ACOT13: variants seen among roughly 807,000 people sequenced by gnomAD.
ACOT13 encodes acyl-coenzyme A thioesterase 13.
ACOT13 carries 10 observed loss-of-function variants against 11.8 expected under a neutral mutation model. The ratio of observed to expected loss-of-function variants is 0.85; its 90% CI spans 0.53 to 1.44. The LOEUF (loss-of-function observed/expected upper bound fraction) is 1.44, where lower values mean the gene tolerates loss of function less well. Ranked by LOEUF, ACOT13 falls within the 40% of genes most tolerant of loss-of-function variation. ACOT13 has a pLI of 0.00. For missense variants in ACOT13, 172 were observed against 174.1 expected, an observed-to-expected ratio of 0.99 and a Z score of 0.07; for synonymous variants, 53 against 61.0, an observed-to-expected ratio of 0.87 and a Z score of 0.61.
chr6:24,681,337 G>A (rs886995265), intron 1 of ACOT13, among the ~76,000 whole-genome samples: 5 of 152,210 alleles, frequency 3.3e-5, no homozygotes, highest in African/African-American at 1.2e-4. Flanking sequence ...ATTTTTTATA[G>A]GAAAGCTACA....
At chr6:24,695,714 CGGT>C (rs1778785482) in intron 1 of ACOT13, among the ~76,000 whole-genome samples, 3 of 152,100 alleles carry the variant, frequency 2.0e-5, no homozygotes, top group Admixed American at 2.0e-4. Context: ...TATTCCTGCT[CGGT>C]GTGTATTATT....
In ACOT13 at chr6:24,697,864, TTC is replaced by T. The variant is rs576617412; in HGVS notation, c.82-17_82-16del. 1 of 1,574,792 alleles carries T rather than the reference TTC, an allele frequency of 6.4e-7. No homozygotes were observed. The highest frequency in any genetic ancestry group is 8.6e-7 in the Non-Finnish European group (1 of 1,161,642). On this transcript the variant is annotated splice_polypyrimidine_tract_variant and intron_variant, in intron 1 of 2. Transcript: ENST00000230048. ...AATTCTACAGAATTAATGTTCAGGA[TTC>T]TTTTTTTTACACTTAGATTACTCTT...
In ACOT13 at chr6:24,703,978, A is replaced by G. The variant is rs1208470064; in HGVS notation, c.*2363A>G. The G allele has an allele frequency of 6.6e-6, 1 of 152,246 alleles. No homozygotes were observed. Among genetic ancestry groups the G allele is most frequent in the Non-Finnish European group, 1.5e-5 (1 of 68,042 alleles). The allele number at this position is 152,246 out of a possible 1,614,324, so 9.4% of individuals were successfully genotyped here. ...CATAAAGGCTAAGGAACTGTTCCAC[A>G]TTAAAGACAACTGAGAACAACTAAA... is the stretch of plus-strand genomic sequence containing the variant. On this transcript the variant is annotated 3_prime_UTR_variant, in exon 3 of 3. Transcript: ENST00000230048.
intron 1 of ACOT13, among the ~76,000 whole-genome samples, chr6:24,689,225 A>G (rs887724752): frequency 6.6e-6 from 1 of 152,200 alleles, no homozygotes; most frequent in African/African-American, 2.4e-5. Context: ...TCAGTCTGTC[A>G]TATACAAATA....
chr6:24,704,535 G>A lies in ACOT13; in HGVS notation c.*2920G>A, dbSNP rs1011600885. The A allele has an allele frequency of 1.3e-5, 2 of 152,208 alleles. No individual in the cohort carries two copies. 9.4% of individuals were successfully genotyped at this position (152,208 alleles called of 1,614,324 possible). A position where few individuals can be genotyped will look rare whatever the true frequency, so the allele number is the denominator to read the frequency against. Reference sequence around the variant, plus strand: ...ATCTATTTCCACCAAAGGTTGAGAGGTTAAGACAAGAGCTTAGAAGAGTAC... The same window carrying A: ...ATCTATTTCCACCAAAGGTTGAGAGATTAAGACAAGAGCTTAGAAGAGTAC... On this transcript the variant is annotated 3_prime_UTR_variant, in exon 3 of 3. Coordinates refer to ENST00000230048, the MANE Select transcript of ACOT13 (RefSeq NM_018473.4).
Position 24,678,476 on chromosome 6 carries a change from AGTCCTT to A in ACOT13, c.81+11135_81+11140del, listed in dbSNP as rs1004112693. Among the ~76,000 whole-genome samples, 90 of 152,288 alleles carry A rather than the reference AGTCCTT, an allele frequency of 5.9e-4. 1 individual carries two copies. The highest frequency in any genetic ancestry group is 2.0e-3 in the African/African-American group (82 of 41,550). ...TTTTAAGTCCTTAACAATCTTTTGG[AGTCCTT>A]GTTGGGCCTCAGGTCTAAGGGTACT... is the stretch of plus-strand genomic sequence containing the variant. On this transcript the variant is annotated intron_variant, in intron 1 of 2. Coordinates refer to ENST00000230048, the MANE Select transcript of ACOT13 (RefSeq NM_018473.4).
At chr6:24,689,678 G>A (rs1473225604) in intron 1 of ACOT13, among the ~76,000 whole-genome samples, 1 of 152,104 alleles carries the variant, frequency 6.6e-6, no homozygotes, top group Non-Finnish European at 1.5e-5. Flanking sequence ...AGAGTAGTAG[G>A]TAGGAAATTG....
chr6:24,672,357 C>G (rs574659975), intron 1 of ACOT13, among the ~76,000 whole-genome samples: 1 of 152,216 alleles, frequency 6.6e-6, no homozygotes, highest in South Asian at 2.1e-4. Context: ...GATATAATTT[C>G]TAACTGGGCG....
intron 1 of ACOT13, among the ~76,000 whole-genome samples, chr6:24,674,491 G>A (rs9393578): frequency 0.39 from 59,771 of 151,926 alleles, 12,785 homozygotes; most frequent in Non-Finnish European, 0.5. Flanking sequence ...TGAGTGCAGC[G>A]TCTGCTTCCT....
At chr6:24,700,490 C>T (rs1402206143) in intron 2 of ACOT13, among the ~76,000 whole-genome samples, 3 of 136,286 alleles carry the variant, frequency 2.2e-5, no homozygotes, top group Non-Finnish European at 1.5e-5. Context: ...GGCTGGAGTC[C>T]AGTGGCGCGA....
chr6:24,692,197 G>A (rs1778727703), intron 1 of ACOT13, among the ~76,000 whole-genome samples: 1 of 152,120 alleles, frequency 6.6e-6, no homozygotes, highest in Non-Finnish European at 1.5e-5. Context: ...ACCAGGAGGA[G>A]GTGGTGTCAT....
chr6:24,682,891 C>A (rs9467254), intron 1 of ACOT13, among the ~76,000 whole-genome samples: 74 of 152,188 alleles, frequency 4.9e-4, no homozygotes, highest in African/African-American at 1.7e-3. Context: ...TATCCCGATC[C>A]TTGTCCCTCC....
chr6:24,691,242 A>G (rs2127626652), intron 1 of ACOT13, among the ~76,000 whole-genome samples: 1 of 152,230 alleles, frequency 6.6e-6, no homozygotes, highest in Admixed American at 6.5e-5. Context: ...CATTCACTCA[A>G]CAAATATTTG....
At position 24,677,745 on chromosome 6, in the gene ACOT13, A is replaced by G. The variant is rs537722538; in HGVS notation, c.81+10401A>G. Among the ~76,000 whole-genome samples the G allele has an allele frequency of 3.8e-4, 58 of 152,310 alleles. 1 individual carries two copies. Among genetic ancestry groups the G allele is most frequent in the Admixed American group, 2.4e-3 (36 of 15,286 alleles). ...TTTCTGAGTTTCCTTAGTGTGTATA[A>G]TGGCCTGACTATTTCGCTGTACCTG... On this transcript the variant is annotated intron_variant, in intron 1 of 2. Coordinates refer to ENST00000230048, the MANE Select transcript of ACOT13 (RefSeq NM_018473.4).
intron 1 of ACOT13, among the ~76,000 whole-genome samples, chr6:24,682,460 T>C (rs1778566864): frequency 6.6e-6 from 1 of 152,214 alleles, no homozygotes; most frequent in Non-Finnish European, 1.5e-5. Flanking sequence ...GTGAGTGTTA[T>C]AGCTCTATTA....
In ACOT13 at chr6:24,704,829, TGAAATG is replaced by T. The variant is rs1415184226; in HGVS notation, c.*3219_*3224del. On this transcript the variant is annotated 3_prime_UTR_variant, in exon 3 of 3. Coordinates refer to ENST00000230048, the MANE Select transcript of ACOT13 (RefSeq NM_018473.4). ...TCTCTAAGGTGACCAGTAACATCAG[TGAAATG>T]GAAAGAAAAAGTTAACACTTCAAAC... 3.9e-5 allele frequency: 6 copies of T among 152,334 alleles called. No homozygotes were observed. In the South Asian group the frequency reaches 6.2e-4, roughly 16 times the overall value. 9.4% of individuals were successfully genotyped at this position (152,334 alleles called of 1,614,324 possible). A position where few individuals can be genotyped will look rare whatever the true frequency, so the allele number is the denominator to read the frequency against.
At chr6:24,672,545 A>C (rs1255440089) in intron 1 of ACOT13, among the ~76,000 whole-genome samples, 1 of 152,240 alleles carries the variant, frequency 6.6e-6, no homozygotes, top group Non-Finnish European at 1.5e-5. Flanking sequence ...AGGCTGAGGC[A>C]GGAGAATCGC....
chr6:24,673,954 CA>C (rs543720623), intron 1 of ACOT13, among the ~76,000 whole-genome samples: 89 of 152,054 alleles, frequency 5.9e-4, no homozygotes, highest in Admixed American at 1.2e-3. Context: ...TTACCACATA[CA>C]AAAAAAATTT....
chr6:24,671,925 A>G (rs962162394), intron 1 of ACOT13, among the ~76,000 whole-genome samples: 2 of 152,246 alleles, frequency 1.3e-5, no homozygotes, highest in Non-Finnish European at 2.9e-5. Flanking sequence ...TAACATATTT[A>G]TACAAATACA....
Sources: allele counts gnomAD v4.1 joint callset (sites outside exome capture counted in the v4.1 genomes callset), GRCh38; gene constraint gnomAD v4.1.1; transcripts MANE v1.5; gene names NCBI Gene and HGNC (gene_info 2026-07-23, HGNC 2026-07-21).